AFAP1L2: variants seen among roughly 807,000 people sequenced by gnomAD.
The protein encoded by AFAP1L2 is actin filament associated protein 1 like 2.
In AFAP1L2, 46 loss-of-function variants were observed where a neutral mutation model predicts 99.3. The observed-to-expected ratio is 0.46, with a 90% CI of 0.37 to 0.59. The LOEUF is 0.59. Ranked by LOEUF, AFAP1L2 falls within the 20% of genes least tolerant of loss-of-function variation. AFAP1L2 has a pLI of 0.00. For missense variants in AFAP1L2, 959 were observed against 1,034.9 expected (o/e 0.93, Z 1.01); for synonymous variants, 397 against 419.1 (o/e 0.95, Z 0.64).
intron 7 of AFAP1L2, among the ~76,000 whole-genome samples, chr10:114,313,195 C>T (rs1043302746): frequency 6.6e-6 from 1 of 152,070 alleles, no homozygotes; most frequent in Admixed American, 6.6e-5. Context: ...CACCAGGGTC[C>T]CTGCTGGGTT....
chr10:114,349,743 A>G (rs1490651544), intron 1 of AFAP1L2, among the ~76,000 whole-genome samples: 1 of 151,242 alleles, frequency 6.6e-6, no homozygotes, highest in Non-Finnish European at 1.5e-5. Flanking sequence ...AGCCAAATGT[A>G]AATAACTTTC....
chr10:114,404,511 T>A (rs926800837), upstream of AFAP1L2: 4 of 1,519,326 alleles, frequency 2.6e-6, no homozygotes, highest in Admixed American at 6.0e-5. Flanking sequence ...CTCCCGGCGC[T>A]CGGCTCAGCG....
At chr10:114,342,204 A>C (rs1057331579) in intron 1 of AFAP1L2, among the ~76,000 whole-genome samples, 2 of 152,200 alleles carry the variant, frequency 1.3e-5, no homozygotes, top group African/African-American at 4.8e-5. Flanking sequence ...ATTCCTTTAG[A>C]GAAACAGTTA....
rs758386667 is a variant in AFAP1L2 at position 114,300,149 on chromosome 10, G to A, written c.1957+45C>T. 2.5e-6 allele frequency: 4 copies of A among 1,612,934 alleles called. No individual in the cohort carries two copies. In the South Asian group the frequency reaches 3.3e-5, roughly 13 times the overall value. ...TAGTTCTGTCCCTCTAGAGAACCCT[G>A]ACTAATACAGATGGAATCGGGCTAA... On this transcript the variant is annotated intron_variant, in intron 15 of 18. Coordinates refer to ENST00000304129, the MANE Select transcript of AFAP1L2 (RefSeq NM_001001936.3).
chr10:114,398,156 G>A (rs2057904131), intron 1 of AFAP1L2, among the ~76,000 whole-genome samples: 1 of 152,180 alleles, frequency 6.6e-6, no homozygotes, highest in Admixed American at 6.5e-5. Flanking sequence ...ACTAACTGGG[G>A]AGAATATGAG....
chr10:114,347,125 C>A (rs935226546), intron 1 of AFAP1L2, among the ~76,000 whole-genome samples: 1 of 152,286 alleles, frequency 6.6e-6, no homozygotes, highest in Non-Finnish European at 1.5e-5. Flanking sequence ...TCCCTCTGCC[C>A]CAACAGTTCC....
rs1219556019 is a variant in AFAP1L2, at chr10:114,398,816, G to A, written c.16+5624C>T. 6 of 1,303,838 alleles carry A rather than the reference G, an allele frequency of 4.6e-6. No homozygotes were observed. In the East Asian group the frequency reaches 2.8e-4, roughly 60 times the overall value. The allele number at this position is 1,303,838 out of a possible 1,614,324, so 80.8% of individuals were successfully genotyped here. ...CTCGGGAGCCCTGGAGGCCAGGTGA[G>A]CTGCTGCAGAGGGCACAGACAGGCT... On this transcript the variant is annotated intron_variant, in intron 1 of 18. Transcript: ENST00000304129.
At chr10:114,346,013 G>A (rs910179492) in intron 1 of AFAP1L2, among the ~76,000 whole-genome samples, 3 of 152,202 alleles carry the variant, frequency 2.0e-5, no homozygotes, top group Non-Finnish European at 2.9e-5. Flanking sequence ...ATCGGGGAGC[G>A]GGTGGGCCAG....
intron 1 of AFAP1L2, among the ~76,000 whole-genome samples, chr10:114,351,431 G>C (rs759698404): frequency 1.3e-5 from 2 of 152,186 alleles, no homozygotes; most frequent in African/African-American, 2.4e-5. Flanking sequence ...TTTCCTTCCA[G>C]CATTTGGCAA....
At chr10:114,374,261 A>T (rs1001587926) in intron 1 of AFAP1L2, among the ~76,000 whole-genome samples, 2 of 152,176 alleles carry the variant, frequency 1.3e-5, no homozygotes, top group Non-Finnish European at 2.9e-5. Context: ...CCTGCACATT[A>T]TCATTGGATT....
chr10:114,282,017 C>CTTTT, the AFAP1L2 span, among the ~76,000 whole-genome samples: 304 of 119,702 alleles, frequency 2.5e-3, 8 homozygotes, highest in African/African-American at 9.4e-3. Context: ...CTTATGTTAC[C>CTTTT]TTTTTTTTTT....
chr10:114,352,807 T>C (rs1189183867), intron 1 of AFAP1L2, among the ~76,000 whole-genome samples: 2 of 152,248 alleles, frequency 1.3e-5, no homozygotes, highest in Non-Finnish European at 2.9e-5. Context: ...GTCTGCCCCC[T>C]TTCCACTGCT....
At chr10:114,340,384 A>G (rs923209148) in intron 2 of AFAP1L2, among the ~76,000 whole-genome samples, 1 of 152,166 alleles carries the variant, frequency 6.6e-6, no homozygotes, top group African/African-American at 2.4e-5. Flanking sequence ...ATGTGAGGAC[A>G]CAGGGAGAAG....
At chr10:114,364,312 A>G (rs936155597) in intron 1 of AFAP1L2, among the ~76,000 whole-genome samples, 1 of 152,222 alleles carries the variant, frequency 6.6e-6, no homozygotes, top group South Asian at 2.1e-4. Context: ...TAAATGGCTT[A>G]AAACAACAGA....
intron 16 of AFAP1L2, among the ~76,000 whole-genome samples, chr10:114,297,649 G>C (rs1027860201): frequency 6.6e-6 from 1 of 152,214 alleles, no homozygotes; most frequent in Non-Finnish European, 1.5e-5. Context: ...TCACTAAGGG[G>C]CATGAGTCTG....
At chr10:114,340,309 G>A (rs2048631121) in intron 2 of AFAP1L2, among the ~76,000 whole-genome samples, 1 of 152,158 alleles carries the variant, frequency 6.6e-6, no homozygotes, top group African/African-American at 2.4e-5. Flanking sequence ...GACAGAGTGA[G>A]CCCCTGCTTC....
the AFAP1L2 span, among the ~76,000 whole-genome samples, chr10:114,288,643 A>G: frequency 1.2e-4 from 19 of 152,358 alleles, no homozygotes; most frequent in Non-Finnish European, 2.4e-4. Flanking sequence ...GAAGGTAAGC[A>G]GCTTCCAGCT....
At chr10:114,378,460 T>C (rs1213655969) in intron 1 of AFAP1L2, among the ~76,000 whole-genome samples, 1 of 152,178 alleles carries the variant, frequency 6.6e-6, no homozygotes, top group Non-Finnish European at 1.5e-5. Context: ...TTTAAAATAT[T>C]GCCATTGTCC....
At position 114,295,698 on chromosome 10, in the gene AFAP1L2, T is replaced by C; in HGVS notation, c.*344A>G. 9.5e-7 allele frequency: 1 copy of C among 1,050,446 alleles called. No homozygotes were observed. The highest frequency in any genetic ancestry group is 1.1e-6 in the Non-Finnish European group (1 of 871,420). 65.1% of individuals were successfully genotyped at this position (1,050,446 alleles called of 1,614,324 possible). ...AGGGCCCTGCTTCCTTGATTCATCT[T>C]CCACCAAAGTCTAAACAGGAGGTTT... On this transcript the variant is annotated 3_prime_UTR_variant, in exon 19 of 19. Coordinates refer to ENST00000304129, the MANE Select transcript of AFAP1L2 (RefSeq NM_001001936.3).
Sources: gnomAD v4.1 joint callset for allele counts (sites outside exome capture counted in the v4.1 genomes callset) on GRCh38, gnomAD v4.1.1 for gene constraint, MANE v1.5 for transcripts, NCBI Gene and HGNC (gene_info 2026-07-23, HGNC 2026-07-21) for gene names.